Variants in SLC4A4 observed in about 807,000 individuals in gnomAD.
The protein encoded by SLC4A4 is solute carrier family 4 member 4.
Under a neutral mutation model 111.5 loss-of-function variants are expected in SLC4A4, and 27 were observed. That is an observed-to-expected ratio of 0.24 (90% CI 0.18 to 0.33). The LOEUF is 0.33. Ranked by LOEUF, SLC4A4 falls within the 10% of genes least tolerant of loss-of-function variation. The pLI is 1.00. For synonymous variants in SLC4A4, 443 were observed against 463.4 expected, an observed-to-expected ratio of 0.96 and a Z score of 0.57; for missense variants, 909 against 1,315.5, an observed-to-expected ratio of 0.69 and a Z score of 4.78.
At chr4:71,136,952 G>A (rs1743863682) in intron 2 of SLC4A4, among the ~76,000 whole-genome samples, 1 of 152,060 alleles carries the variant, frequency 6.6e-6, no homozygotes, top group Non-Finnish European at 1.5e-5. Context: ...TAAATCCAAG[G>A]TCTATGCTCT....
intron 3 of SLC4A4, among the ~76,000 whole-genome samples, chr4:71,277,173 T>C (rs1365627924): frequency 6.6e-6 from 1 of 152,228 alleles, no homozygotes; most frequent in Non-Finnish European, 1.5e-5. Context: ...GTACAATTGC[T>C]TGGTCGTGTG....
At chr4:71,141,703 G>A (rs56763146) in intron 2 of SLC4A4, among the ~76,000 whole-genome samples, 4,260 of 152,268 alleles carry the variant, frequency 0.028, 205 homozygotes, top group African/African-American at 0.095. Context: ...CAAGAACCTT[G>A]TTTGCCTTGC....
At chr4:71,107,847 A>G (rs1394552350) in intron 2 of SLC4A4, among the ~76,000 whole-genome samples, 1 of 135,796 alleles carries the variant, frequency 7.4e-6, no homozygotes, top group Non-Finnish European at 1.6e-5. Context: ...AGCTGGGACT[A>G]CAGGCAAACA....
Position 71,526,243 on chromosome 4 carries a change from A to G in SLC4A4, c.2167-5819A>G, listed in dbSNP as rs1251615456. 4.6e-5 allele frequency among the ~76,000 whole-genome samples: 7 copies of G among 152,208 alleles called. No individual in the cohort carries two copies. The East Asian group carries it at 1.4e-3, about 29-fold the overall frequency. On this transcript the variant is annotated intron_variant, in intron 16 of 25. Coordinates refer to ENST00000264485, the MANE Select transcript of SLC4A4 (RefSeq NM_001098484.3). ...TGACTGTGAAGTTTAAACTGGATTC[A>G]AGATCTCAGAAATGAATATCTTAAT... is the stretch of plus-strand genomic sequence containing the variant.
At chr4:71,285,431 C>A (rs1723839932) in intron 3 of SLC4A4, among the ~76,000 whole-genome samples, 1 of 152,090 alleles carries the variant, frequency 6.6e-6, no homozygotes, top group Non-Finnish European at 1.5e-5. Flanking sequence ...CTGTATTGAT[C>A]ACAGTCCTCT....
intron 7 of SLC4A4, among the ~76,000 whole-genome samples, chr4:71,426,639 AT>A (rs2149034174): frequency 6.6e-6 from 1 of 152,228 alleles, no homozygotes; most frequent in East Asian, 1.9e-4. Context: ...CCAGTGATAA[AT>A]TTTCACAAGG....
intron 3 of SLC4A4, among the ~76,000 whole-genome samples, chr4:71,302,404 T>G (rs994794316): frequency 6.6e-6 from 1 of 152,200 alleles, no homozygotes; most frequent in African/African-American, 2.4e-5. Context: ...ATTCTGTGAC[T>G]CTGATTTTTC....
rs181876367 is a variant in SLC4A4, at chr4:71,472,307, A to T, written c.1632-392A>T. Among the ~76,000 whole-genome samples the T allele has an allele frequency of 1.4e-3, 216 of 151,986 alleles. 2 individuals carry two copies. The highest frequency in any genetic ancestry group is 3.3e-3 in the African/African-American group (135 of 41,490). The stretch of plus-strand genomic sequence containing the variant: ...TGACATAGGGACAGAAAATATATTG[A>T]TCTTCATGTCTTTATGAACCCATAA... On this transcript the variant is annotated intron_variant, in intron 13 of 25. Transcript: ENST00000264485.
chr4:71,566,973 A>G (rs1737529923), intron 24 of SLC4A4, 31 bp from the exon 25 acceptor site: 1 of 1,574,556 alleles, frequency 6.4e-7, no homozygotes, highest in African/African-American at 1.4e-5. Flanking sequence ...AAGATCTACC[A>G]TTTATGTTTT....
intron 1 of SLC4A4, among the ~76,000 whole-genome samples, chr4:71,076,354 A>G (rs1741823467): frequency 6.6e-6 from 1 of 152,086 alleles, no homozygotes; most frequent in Non-Finnish European, 1.5e-5. Flanking sequence ...AACATAGTGA[A>G]ACCCTGTCTC....
Position 71,064,701 on chromosome 4 carries a change from G to C in SLC4A4, c.-65+1913G>C, listed in dbSNP as rs562757225. ...ATCCTGGGCACACAATTTCAGGACT[G>C]GTCACGTATTAGGGCAGCCTCCAGC... On this transcript the variant is annotated intron_variant, in intron 1 of 26. Transcript: ENST00000649996. Among the ~76,000 whole-genome samples the C allele has an allele frequency of 4.6e-5, 7 of 152,234 alleles. No individual in the cohort carries two copies. In the South Asian group the frequency reaches 1.0e-3, roughly 23 times the overall value.
chr4:71,126,810 A>T (rs1482545923), intron 2 of SLC4A4, among the ~76,000 whole-genome samples: 1 of 152,208 alleles, frequency 6.6e-6, no homozygotes, highest in African/African-American at 2.4e-5. Flanking sequence ...TTCTGGTTCC[A>T]TAATTTCAAA....
At position 71,519,824 on chromosome 4, in the gene SLC4A4, T is replaced by A. The variant is rs536769464; in HGVS notation, c.2167-12238T>A. 3.3e-5 allele frequency among the ~76,000 whole-genome samples: 5 copies of A among 152,050 alleles called. No homozygotes were observed. In the East Asian group the frequency reaches 9.7e-4, roughly 29 times the overall value. On this transcript the variant is annotated intron_variant, in intron 16 of 25. Coordinates refer to ENST00000264485, the MANE Select transcript of SLC4A4 (RefSeq NM_001098484.3). ...ATATTTTGTATTTTTTTGTTGTTGTTTTTTTAGTAGAGACTGGGTTTCACC... is the reference window on the plus strand; with the variant it reads ...ATATTTTGTATTTTTTTGTTGTTGTATTTTTAGTAGAGACTGGGTTTCACC...
At position 71,103,378 on chromosome 4, in the gene SLC4A4, C is replaced by A. The variant is rs544366881; in HGVS notation, c.-2+10586C>A. Reference sequence around the variant, plus strand: ...ACAGATCAACGAGACAGAAAGTCAACAAGGATACCCAGCAATTGAACTCAG... The same window carrying A: ...ACAGATCAACGAGACAGAAAGTCAAAAAGGATACCCAGCAATTGAACTCAG... On this transcript the variant is annotated intron_variant, in intron 2 of 26. Coordinates refer to the SLC4A4 transcript ENST00000649996. Among the ~76,000 whole-genome samples, 38 of 152,258 alleles carry A rather than the reference C, an allele frequency of 2.5e-4. 1 individual carries two copies. In the South Asian group the frequency reaches 7.9e-3, roughly 32 times the overall value.
At chr4:71,192,112 T>C (rs1022597965) in intron 1 of SLC4A4, among the ~76,000 whole-genome samples, 8 of 152,146 alleles carry the variant, frequency 5.3e-5, no homozygotes, top group Non-Finnish European at 1.0e-4. Context: ...TGGTGATTTC[T>C]TTTTTTAAAG....
chr4:71,437,776 A>G (rs1724294101), intron 7 of SLC4A4: 1 of 270,536 alleles, frequency 3.7e-6, no homozygotes, highest in African/African-American at 2.2e-5. Context: ...GACAGTCACC[A>G]TCTTGGAAAT....
chr4:71,353,913 G>A (rs1427002471), intron 5 of SLC4A4, among the ~76,000 whole-genome samples: 2 of 152,130 alleles, frequency 1.3e-5, no homozygotes, highest in South Asian at 2.1e-4. Context: ...ACCATGATGC[G>A]CGACTGTTTA....
chr4:71,100,844 A>G (rs1233905048), intron 2 of SLC4A4, among the ~76,000 whole-genome samples: 3 of 152,210 alleles, frequency 2.0e-5, no homozygotes, highest in Non-Finnish European at 4.4e-5. Flanking sequence ...CCCATTCACA[A>G]TTGCCACAAA....
intron 2 of SLC4A4, among the ~76,000 whole-genome samples, chr4:71,150,044 TA>T: frequency 6.6e-6 from 1 of 152,310 alleles, no homozygotes; most frequent in Non-Finnish European, 1.5e-5. Context: ...TATACCTGCT[TA>T]TAATTACTTA....
Sources: gnomAD v4.1 joint callset for allele counts (sites outside exome capture counted in the v4.1 genomes callset) on GRCh38, gnomAD v4.1.1 for gene constraint, MANE v1.5 for transcripts, NCBI Gene and HGNC (gene_info 2026-07-23, HGNC 2026-07-21) for gene names.